The following LRP2 variants were observed in gnomAD, a reference collection of about 807,000 sequenced individuals.
LRP2 encodes low-density lipoprotein receptor-related protein 2.
A neutral mutation model predicts 531.0 loss-of-function variants in LRP2; 172 were observed. The observed-to-expected ratio is 0.32, with a 90% CI of 0.29 to 0.37. The LOEUF (loss-of-function observed/expected upper bound fraction) is 0.37, where lower values mean the gene tolerates loss of function less well. LRP2 is among the 10% of genes least tolerant of loss of function. The pLI is 1.00. For missense variants in LRP2, 5,167 were observed against 5,868.3 expected, an observed-to-expected ratio of 0.88 and a Z score of 3.90; for synonymous variants, 1,992 against 2,027.6, an observed-to-expected ratio of 0.98 and a Z score of 0.47.
At chr2:169,265,395 C>T (rs1322153673) in intron 16 of LRP2, among the ~76,000 whole-genome samples, 1 of 151,988 alleles carries the variant, frequency 6.6e-6, no homozygotes, top group Non-Finnish European at 1.5e-5. Context: ...TATAACCTCA[C>T]CCTTAATACC....
At chr2:169,273,234 A>G (rs1683467340) in intron 14 of LRP2, among the ~76,000 whole-genome samples, 167 bp from the exon 15 acceptor site, 1 of 152,090 alleles carries the variant, frequency 6.6e-6, no homozygotes, top group Admixed American at 6.6e-5. Flanking sequence ...ACATCTGGCT[A>G]CACTAACCCT....
rs1350394894 is a variant in LRP2, at chr2:169,239,627, G to T, written c.4194C>A (p.Gly1398=). 6.2e-7 allele frequency: 1 copy of T among 1,614,074 alleles called. No homozygotes were observed. The highest frequency in any genetic ancestry group is 2.2e-5 in the East Asian group (1 of 44,880). Residue 1398 remains glycine, a synonymous_variant, in exon 26 of 79, where the codon GGC becomes GGA. Coordinates refer to ENST00000649046, the MANE Select transcript of LRP2 (RefSeq NM_004525.3). ...CEDIDECDIL[G]SCSQHCYNMR... The stretch of plus-strand genomic sequence containing the variant: ...TATTGTAACAGTGCTGGCTACAAGA[G>T]CCTAGAATATCACATTCATCTATGT...
intron 19 of LRP2, among the ~76,000 whole-genome samples, chr2:169,254,933 T>C (rs1037611139): frequency 6.6e-6 from 1 of 151,994 alleles, no homozygotes; most frequent in Non-Finnish European, 1.5e-5. Context: ...TATTTATAAT[T>C]AACTCATCAA....
chr2:169,203,058 G>A, intron 42 of LRP2, 99 bp from the exon 43 acceptor site: 1 of 950,826 alleles, frequency 1.1e-6, no homozygotes, highest in Non-Finnish European at 1.7e-6. Flanking sequence ...TACATTAAAT[G>A]CTCCCTAAGA....
At chr2:169,177,729 T>C in intron 53 of LRP2, 74 bp downstream of exon 53, 1 of 1,268,576 alleles carries the variant, frequency 7.9e-7, no homozygotes. Flanking sequence ...AATCACGAAG[T>C]TCATGCTTAA....
chr2:169,269,355 A>C (rs545921426), intron 16 of LRP2, among the ~76,000 whole-genome samples: 1 of 152,350 alleles, frequency 6.6e-6, no homozygotes, highest in South Asian at 2.1e-4. Context: ...TTCAAGCTAT[A>C]CTACAAGGCT....
intron 26 of LRP2, 28 bp from the exon 27 acceptor site, chr2:169,238,330 C>T: frequency 6.9e-7 from 1 of 1,444,364 alleles, no homozygotes; most frequent in Non-Finnish European, 9.7e-7. Flanking sequence ...GCAAAAATGT[C>T]AATGATACTG....
intron 45 of LRP2, among the ~76,000 whole-genome samples, chr2:169,197,278 T>A (rs1206298771): frequency 6.6e-6 from 1 of 152,182 alleles, no homozygotes; most frequent in African/African-American, 2.4e-5. Flanking sequence ...AAAAATTGTA[T>A]TTGTTAGAAA....
intron 3 of LRP2, among the ~76,000 whole-genome samples, chr2:169,310,370 G>A (rs556365755): frequency 7.9e-5 from 12 of 152,268 alleles, no homozygotes; most frequent in South Asian, 4.1e-4. Context: ...TTTGAGATAC[G>A]TCCCATTGAT....
intron 77 of LRP2, among the ~76,000 whole-genome samples, chr2:169,129,360 C>T (rs763985427): frequency 1.3e-5 from 2 of 152,152 alleles, no homozygotes; most frequent in Non-Finnish European, 2.9e-5. Flanking sequence ...TATCTACAAG[C>T]AAATCACCTG....
At chr2:169,152,272 C>T (rs1349064500) in intron 67 of LRP2, among the ~76,000 whole-genome samples, 1 of 152,130 alleles carries the variant, frequency 6.6e-6, no homozygotes, top group Non-Finnish European at 1.5e-5. Flanking sequence ...CCAAAGACTT[C>T]TTTAGTCAAA....
intron 76 of LRP2, 84 bp from the exon 77 acceptor site, chr2:169,132,765 G>T: frequency 1.3e-6 from 1 of 770,212 alleles, no homozygotes; most frequent in Non-Finnish European, 2.4e-6. Flanking sequence ...ACCAACTCTG[G>T]CTCTTTTTGC....
intron 1 of LRP2, among the ~76,000 whole-genome samples, chr2:169,345,723 G>C (rs1685676713): frequency 6.8e-6 from 1 of 146,270 alleles, no homozygotes; most frequent in Non-Finnish European, 1.5e-5. Context: ...TGACCCCTTG[G>C]CCCCACCTCA....
At chr2:169,265,702 C>T (rs147177949) in intron 16 of LRP2, among the ~76,000 whole-genome samples, 2 of 152,130 alleles carry the variant, frequency 1.3e-5, no homozygotes, top group Admixed American at 6.6e-5. Flanking sequence ...CACTCACAGA[C>T]ATTCAAAGAC....
At chr2:169,339,278 CT>C (rs1423763748) in intron 1 of LRP2, among the ~76,000 whole-genome samples, 3 of 152,056 alleles carry the variant, frequency 2.0e-5, no homozygotes, top group African/African-American at 7.2e-5. Context: ...TTTATTATTA[CT>C]TTTATTTTAC....
chr2:169,285,842 G>A lies in LRP2; in HGVS notation c.1043-2841C>T, dbSNP rs569887490. Among the ~76,000 whole-genome samples the A allele has an allele frequency of 7.9e-5, 12 of 152,306 alleles. No individual in the cohort carries two copies. The South Asian group carries it at 1.0e-3, about 13-fold the overall frequency. The stretch of plus-strand genomic sequence containing the variant: ...GAATGGTAGAAAGACACAAGATTTC[G>A]TGTCAGGATTATTCAATGTTATTCT... On this transcript the variant is annotated intron_variant, in intron 9 of 78. Coordinates refer to ENST00000649046, the MANE Select transcript of LRP2 (RefSeq NM_004525.3).
At chr2:169,362,246 C>T in intron 1 of LRP2, 75 bp downstream of exon 1, 2 of 1,324,226 alleles carry the variant, frequency 1.5e-6, no homozygotes, top group Non-Finnish European at 2.1e-6. Context: ...CTCTCCCCTC[C>T]GGCCTCCCGC....
At chr2:169,205,966 C>G in intron 40 of LRP2, 57 bp downstream of exon 40, 1 of 1,600,422 alleles carries the variant, frequency 6.2e-7, no homozygotes, top group Non-Finnish European at 8.6e-7. Context: ...TAATTTCAGG[C>G]CCCATTTTTT....
intron 37 of LRP2, among the ~76,000 whole-genome samples, chr2:169,210,627 T>C (rs1056274524): frequency 1.3e-5 from 2 of 152,128 alleles, no homozygotes; most frequent in Admixed American, 6.5e-5. Context: ...ATCAATGTCA[T>C]AGCAAAAAGC....
Sources: gnomAD v4.1 joint callset for allele counts (sites outside exome capture counted in the v4.1 genomes callset) on GRCh38, gnomAD v4.1.1 for gene constraint, MANE v1.5 for transcripts, NCBI Gene and HGNC (gene_info 2026-07-23, HGNC 2026-07-21) for gene names.